RAB3IP: variants seen among roughly 807,000 people sequenced by gnomAD.
RAB3IP encodes RAB3A interacting protein.
RAB3IP carries 36 observed loss-of-function variants against 59.1 expected under a neutral mutation model. The observed-to-expected ratio is 0.61, with a 90% CI of 0.47 to 0.80. The LOEUF (loss-of-function observed/expected upper bound fraction) is 0.80, where lower values mean the gene tolerates loss of function less well. Among genes scored for constraint, RAB3IP ranks in the 30% least tolerant of loss-of-function variants. RAB3IP has a pLI of 0.00. For missense variants in RAB3IP, 511 were observed against 536.0 expected, an observed-to-expected ratio of 0.95 and a Z score of 0.46; for synonymous variants, 207 against 191.2, an observed-to-expected ratio of 1.08 and a Z score of -0.68.
At chr12:69,807,623 C>G (rs187577021) in intron 8 of RAB3IP, among the ~76,000 whole-genome samples, 1 of 138,144 alleles carries the variant, frequency 7.2e-6, no homozygotes, top group Non-Finnish European at 1.5e-5. Context: ...CGGGCAGAGG[C>G]GCTCCTTACC....
chr12:69,743,822 C>T (rs1235003958), intron 1 of RAB3IP, among the ~76,000 whole-genome samples: 1 of 150,618 alleles, frequency 6.6e-6, no homozygotes, highest in Non-Finnish European at 1.5e-5. Context: ...ATAACTGTCT[C>T]CACTCTTTAC....
intron 3 of RAB3IP, among the ~76,000 whole-genome samples, chr12:69,782,919 C>T (rs1231318909): frequency 1.3e-5 from 2 of 152,068 alleles, no homozygotes; most frequent in Admixed American, 1.3e-4. Flanking sequence ...TGTGGTCGTA[C>T]ACTTGAAGGA....
chr12:69,802,326 TAAAGG>T (rs1878525530), intron 8 of RAB3IP, among the ~76,000 whole-genome samples: 1 of 152,136 alleles, frequency 6.6e-6, no homozygotes, highest in African/African-American at 2.4e-5. Context: ...ATTGTGTTTA[TAAAGG>T]ATTCTCACTT....
chr12:69,815,275 G>A (rs112465274), intron 10 of RAB3IP, 89 bp from the exon 11 acceptor site: 56 of 919,406 alleles, frequency 6.1e-5, no homozygotes, highest in African/African-American at 4.8e-4. Context: ...ATGCACAATT[G>A]ACATTTCAGC....
At chr12:69,796,056 T>G (rs1298830034) in intron 6 of RAB3IP, 1 of 152,420 alleles carries the variant, frequency 6.6e-6, no homozygotes, top group Non-Finnish European at 1.5e-5. Flanking sequence ...ATCTCAGCAC[T>G]TTGGGAGGCC....
chr12:69,796,279 A>G (rs1439704317), intron 6 of RAB3IP: 1 of 155,614 alleles, frequency 6.4e-6, no homozygotes, highest in Non-Finnish European at 1.4e-5. Context: ...CAGCCTGGGC[A>G]ACAAGAGCGA....
chr12:69,784,617 G>T (rs1284980655), intron 3 of RAB3IP, 103 bp from the exon 4 acceptor site: 24 of 466,904 alleles, frequency 5.1e-5, no homozygotes, highest in Non-Finnish European at 1.4e-5. Context: ...TGTCAGAAGT[G>T]ACAGTATTCA....
intron 1 of RAB3IP, among the ~76,000 whole-genome samples, chr12:69,752,578 C>G (rs1869512831): frequency 6.6e-6 from 1 of 152,076 alleles, no homozygotes; most frequent in Non-Finnish European, 1.5e-5. Context: ...GAGTGGCATG[C>G]TGGGTCACAG....
Position 69,812,785 on chromosome 12 carries a change from G to T in RAB3IP, c.1138G>T (p.Ala380Ser). The T allele has an allele frequency of 6.3e-7, 1 of 1,598,910 alleles. No individual in the cohort carries two copies. Among genetic ancestry groups the T allele is most frequent in the Non-Finnish European group, 8.5e-7 (1 of 1,172,442 alleles). The change falls in exon 9 of 11, where the codon GCT (alanine) becomes TCT (serine). Residue 380 changes from alanine to serine, a missense_variant. Physicochemically the swap from Ala to Ser is moderately conservative, Grantham distance 99. Transcript: ENST00000247833. ...TTTATCATTATTTCACAGAAAATGT[G>T]CTCTCACTGGCCAGAGTAAGTCCTG... The part of the protein sequence containing the change: ...AVECGGPKKC[A>S]LTGQSKSCKH...
At chr12:69,779,282 G>T (rs1360171448) in intron 3 of RAB3IP, 1 of 142,552 alleles carries the variant, frequency 7.0e-6, no homozygotes, top group Non-Finnish European at 1.5e-5. Context: ...CTCGCGCACG[G>T]TGCGCACACA....
chr12:69,790,002 C>T (rs1876348588), intron 4 of RAB3IP, among the ~76,000 whole-genome samples: 1 of 152,104 alleles, frequency 6.6e-6, no homozygotes, highest in Non-Finnish European at 1.5e-5. Context: ...GAAAGCTTTT[C>T]CTCTAAGATC....
In RAB3IP at chr12:69,815,563, C is replaced by A; in HGVS notation, c.*117C>A. On this transcript the variant is annotated 3_prime_UTR_variant, in exon 11 of 11. Coordinates refer to ENST00000247833, the MANE Select transcript of RAB3IP (RefSeq NM_022456.5). Reference sequence around the variant, plus strand: ...AGCCTAAGACTTTTTTCCCCTTTTGCAAATTGCTCTAAGAAGTACCATGAT... The same window carrying A: ...AGCCTAAGACTTTTTTCCCCTTTTGAAAATTGCTCTAAGAAGTACCATGAT... 1 of 695,572 alleles carries A rather than the reference C, an allele frequency of 1.4e-6. No individual in the cohort carries two copies. The highest frequency in any genetic ancestry group is 2.5e-6 in the Non-Finnish European group (1 of 404,212). 43.1% of individuals were successfully genotyped at this position (695,572 alleles called of 1,614,324 possible).
At chr12:69,802,287 A>G (rs1878518080) in intron 8 of RAB3IP, among the ~76,000 whole-genome samples, 1 of 152,124 alleles carries the variant, frequency 6.6e-6, no homozygotes, top group African/African-American at 2.4e-5. Context: ...CTGTGTACCA[A>G]AAAGACTTGA....
At chr12:69,742,488 G>C (rs1455525891) in intron 1 of RAB3IP, among the ~76,000 whole-genome samples, 1 of 152,040 alleles carries the variant, frequency 6.6e-6, no homozygotes, top group Non-Finnish European at 1.5e-5. Context: ...TATTTGTGTT[G>C]TATTTGTAAT....
chr12:69,809,238 T>C (rs1403271713), intron 8 of RAB3IP, among the ~76,000 whole-genome samples: 1 of 152,130 alleles, frequency 6.6e-6, no homozygotes, highest in Non-Finnish European at 1.5e-5. Flanking sequence ...CTCACTCTCT[T>C]CTGGCTTCTA....
intron 1 of RAB3IP, chr12:69,739,477 C>A: frequency 4.2e-6 from 1 of 237,468 alleles, no homozygotes; most frequent in Non-Finnish European, 8.2e-6. Flanking sequence ...AGTTCCCGAA[C>A]AAGTCGGAAG....
intron 8 of RAB3IP, among the ~76,000 whole-genome samples, chr12:69,802,066 TTG>T (rs1878475774): frequency 6.7e-6 from 1 of 150,350 alleles, no homozygotes; most frequent in Non-Finnish European, 1.5e-5. Context: ...GAAACCGGAG[TTG>T]TTTTTGTTTT....
intron 1 of RAB3IP, among the ~76,000 whole-genome samples, chr12:69,748,504 G>T (rs1311969709): frequency 6.6e-6 from 1 of 152,148 alleles, no homozygotes; most frequent in Non-Finnish European, 1.5e-5. Context: ...CTGATTTCGA[G>T]AAAGAAAAAT....
chr12:69,743,152 G>C (rs1030339213), intron 1 of RAB3IP, among the ~76,000 whole-genome samples: 2 of 152,168 alleles, frequency 1.3e-5, no homozygotes, highest in African/African-American at 4.8e-5. Context: ...GCATAAAGGA[G>C]CATATAGATG....
Sources: allele counts gnomAD v4.1 joint callset (sites outside exome capture counted in the v4.1 genomes callset), GRCh38; gene constraint gnomAD v4.1.1; transcripts MANE v1.5; gene names NCBI Gene and HGNC (gene_info 2026-07-23, HGNC 2026-07-21).